Variants in FMN1 observed in about 807,000 individuals in gnomAD.
The protein encoded by FMN1 is formin 1, also known as formin-1.
In FMN1, 110 loss-of-function variants were observed where a neutral mutation model predicts 132.4. The ratio of observed to expected loss-of-function variants is 0.83; its 90% CI spans 0.71 to 0.97. The LOEUF is 0.97. Ranked by LOEUF, FMN1 falls within the 50% of genes least tolerant of loss-of-function variation. The pLI, the probability that FMN1 is intolerant of heterozygous loss-of-function variation, is 0.00. For missense variants in FMN1, 1,792 were observed against 1,705.3 expected, an observed-to-expected ratio of 1.05 and a Z score of -0.90; for synonymous variants, 722 against 651.7, an observed-to-expected ratio of 1.11 and a Z score of -1.64.
intron 7 of FMN1, among the ~76,000 whole-genome samples, chr15:32,981,112 T>C (rs2032618376): frequency 6.6e-6 from 1 of 152,306 alleles, no homozygotes; most frequent in East Asian, 1.9e-4. Flanking sequence ...AAAAGGAAAT[T>C]TTTTTTCAAA....
chr15:32,786,951 A>C (rs186945148), intron 19 of FMN1, among the ~76,000 whole-genome samples: 1 of 152,338 alleles, frequency 6.6e-6, no homozygotes, highest in East Asian at 1.9e-4. Flanking sequence ...CTCCAGGCGA[A>C]AACGGGCTAA....
intron 6 of FMN1, among the ~76,000 whole-genome samples, chr15:33,061,624 G>A (rs1200217826): frequency 6.8e-6 from 1 of 147,252 alleles, no homozygotes; most frequent in Non-Finnish European, 1.5e-5. Context: ...AATATATAAG[G>A]AAATCCAAAA....
In FMN1 at chr15:33,154,488, G is replaced by C. The variant is rs536196985; in HGVS notation, c.427C>G (p.Leu143Val). The stretch of plus-strand genomic sequence containing the variant: ...CTCTTATTGAGAGGGCCCACGGGGA[G>C]CTCTCCCTGCCAGTCACCAGCACTC... ...FQSAGDWQGE[L>V]PVGPLNKRST... is the part of the protein sequence containing the mutation. Residue 143 changes from leucine (L) to valine (V), a missense_variant, in exon 4 of 21, where the codon CTC becomes GTC. By Grantham distance (32) the Leu-to-Val change is conservative. Transcript: ENST00000616417. 9 of 1,535,912 alleles carry C rather than the reference G, an allele frequency of 5.9e-6. No individual in the cohort carries two copies. The African/African-American group carries it at 9.6e-5, about 16-fold the overall frequency.
chr15:32,870,527 G>T (rs1464220738), intron 16 of FMN1, among the ~76,000 whole-genome samples: 3 of 152,162 alleles, frequency 2.0e-5, no homozygotes, highest in Non-Finnish European at 4.4e-5. Flanking sequence ...TAGGACTTTT[G>T]GAAAGACTTG....
intron 4 of FMN1, among the ~76,000 whole-genome samples, chr15:33,120,582 C>A (rs148184739): frequency 1.3e-3 from 193 of 149,086 alleles, no homozygotes; most frequent in Middle Eastern, 3.4e-3. Context: ...TGGGGATATA[C>A]GAACACACAC....
At chr15:32,920,612 C>T (rs561318735) in intron 10 of FMN1, among the ~76,000 whole-genome samples, 1 of 152,316 alleles carries the variant, frequency 6.6e-6, no homozygotes, top group East Asian at 1.9e-4. Flanking sequence ...AACACTTTAG[C>T]TGAGATGTTT....
intron 3 of FMN1, among the ~76,000 whole-genome samples, chr15:33,169,295 G>A (rs1464551793): frequency 2.0e-5 from 3 of 152,112 alleles, no homozygotes; most frequent in African/African-American, 7.2e-5. Context: ...GCGGCCTCAC[G>A]CTGCTTCTAG....
At chr15:33,005,880 A>G (rs575946254) in intron 7 of FMN1, among the ~76,000 whole-genome samples, 16 of 152,310 alleles carry the variant, frequency 1.1e-4, no homozygotes, top group African/African-American at 3.8e-4. Flanking sequence ...CCTTTGTAAC[A>G]AGGGAGATAA....
At chr15:32,857,965 G>A (rs1367886043) in intron 16 of FMN1, among the ~76,000 whole-genome samples, 5 of 152,232 alleles carry the variant, frequency 3.3e-5, no homozygotes, top group Non-Finnish European at 7.3e-5. Flanking sequence ...CAAAGCTAGA[G>A]CTGAGTCAAG....
intron 4 of FMN1, among the ~76,000 whole-genome samples, chr15:33,103,550 G>A (rs183256525): frequency 5.3e-5 from 8 of 152,180 alleles, no homozygotes; most frequent in East Asian, 1.9e-4. Flanking sequence ...ATTCACTTTC[G>A]AGTTCCAATG....
intron 4 of FMN1, among the ~76,000 whole-genome samples, chr15:33,108,273 A>C (rs1044386307): frequency 6.6e-6 from 1 of 152,096 alleles, no homozygotes; most frequent in African/African-American, 2.4e-5. Context: ...TCAGACAACT[A>C]AACACTGCTT....
chr15:33,074,693 C>A (rs2038130842), intron 5 of FMN1, among the ~76,000 whole-genome samples: 1 of 152,026 alleles, frequency 6.6e-6, no homozygotes, highest in South Asian at 2.1e-4. Flanking sequence ...TTGTGATGAC[C>A]AAGGAACACG....
rs576719105 is a variant in FMN1, at chr15:32,856,402, A to C, written c.3928+613T>G. ...TAACCCTGATAAACAGAAGTTCCCT[A>C]CTCATGCCAAAACTGTGAAGGAAGG... On this transcript the variant is annotated intron_variant, in intron 17 of 20. Coordinates refer to ENST00000616417, the MANE Select transcript of FMN1 (RefSeq NM_001277313.2). 2.0e-5 allele frequency among the ~76,000 whole-genome samples: 3 copies of C among 152,314 alleles called. No homozygotes were observed. In the South Asian group the frequency reaches 6.2e-4, roughly 32 times the overall value.
At chr15:32,978,290 G>A (rs34919746) in intron 7 of FMN1, among the ~76,000 whole-genome samples, 4,002 of 152,204 alleles carry the variant, frequency 0.026, 85 homozygotes, top group Middle Eastern at 0.037. Flanking sequence ...CTGCACTGAG[G>A]TTTATACTTG....
intron 4 of FMN1, among the ~76,000 whole-genome samples, chr15:33,134,779 A>T (rs1963693247): frequency 6.6e-6 from 1 of 152,230 alleles, no homozygotes; most frequent in African/African-American, 2.4e-5. Context: ...AGGTGGGCAG[A>T]TTACCTGAGG....
chr15:32,944,352 G>C (rs7170098), intron 9 of FMN1, among the ~76,000 whole-genome samples: 13,011 of 152,258 alleles, frequency 0.085, 872 homozygotes, highest in African/African-American at 0.18. Flanking sequence ...GTGCAAAACA[G>C]CTCTTGCTGC....
chr15:32,974,568 C>A (rs531944391), intron 7 of FMN1, among the ~76,000 whole-genome samples: 1 of 152,282 alleles, frequency 6.6e-6, no homozygotes, highest in South Asian at 2.1e-4. Flanking sequence ...ATTAGAATCA[C>A]CTGGAGAGTT....
At chr15:33,128,657 G>A (rs1963363809) in intron 4 of FMN1, among the ~76,000 whole-genome samples, 1 of 152,190 alleles carries the variant, frequency 6.6e-6, no homozygotes, top group South Asian at 2.1e-4. Context: ...GCGTCCGGAT[G>A]CTCCGGTGAG....
At chr15:32,915,852 T>C (rs925289564) in intron 10 of FMN1, among the ~76,000 whole-genome samples, 2 of 152,210 alleles carry the variant, frequency 1.3e-5, no homozygotes, top group Non-Finnish European at 2.9e-5. Context: ...GGTTAGAATA[T>C]TTCACCTACA....
Sources: allele counts gnomAD v4.1 joint callset (sites outside exome capture counted in the v4.1 genomes callset), GRCh38; gene constraint gnomAD v4.1.1; transcripts MANE v1.5; gene names NCBI Gene and HGNC (gene_info 2026-07-23, HGNC 2026-07-21).